ADAMTS17: variants seen among roughly 807,000 people sequenced by gnomAD.
The protein encoded by ADAMTS17 is A disintegrin and metalloproteinase with thrombospondin motifs 17.
ADAMTS17 carries 113 observed loss-of-function variants against 141.5 expected under a neutral mutation model. The ratio of observed to expected loss-of-function variants is 0.80; its 90% confidence interval spans 0.69 to 0.93. The LOEUF (loss-of-function observed/expected upper bound fraction) is 0.93. ADAMTS17 is among the 40% of genes least tolerant of loss of function. The pLI, the probability that ADAMTS17 is intolerant of heterozygous loss-of-function variation, is 0.00. For missense variants in ADAMTS17, 1,659 were observed against 1,517.9 expected, an observed-to-expected ratio of 1.09 and a Z score of -1.54; for synonymous variants, 768 against 630.6, an observed-to-expected ratio of 1.22 and a Z score of -3.27.
intron 13 of ADAMTS17, among the ~76,000 whole-genome samples, chr15:100,112,983 G>A (rs2036884623): frequency 6.6e-6 from 1 of 152,136 alleles, no homozygotes; most frequent in South Asian, 2.1e-4. Flanking sequence ...TTAGTATGGT[G>A]GGGACATTGC....
intron 15 of ADAMTS17, among the ~76,000 whole-genome samples, chr15:100,088,991 G>T (rs1462375531): frequency 6.6e-6 from 1 of 151,336 alleles, no homozygotes; most frequent in Non-Finnish European, 1.5e-5. Flanking sequence ...TGACAAATGG[G>T]ATCTAATTCA....
At chr15:100,147,082 C>T (rs1332449348) in intron 10 of ADAMTS17, among the ~76,000 whole-genome samples, 1 of 152,064 alleles carries the variant, frequency 6.6e-6, no homozygotes, top group Non-Finnish European at 1.5e-5. Flanking sequence ...ATGTCTGTGA[C>T]CCACACCTAT....
At chr15:100,251,552 C>T (rs1335714839) in intron 7 of ADAMTS17, among the ~76,000 whole-genome samples, 1 of 152,204 alleles carries the variant, frequency 6.6e-6, no homozygotes, top group Non-Finnish European at 1.5e-5. Context: ...GGTGAAAACC[C>T]ATCTCTACTA....
chr15:100,106,103 C>A (rs765372564), intron 14 of ADAMTS17, among the ~76,000 whole-genome samples: 1 of 151,998 alleles, frequency 6.6e-6, no homozygotes, highest in Non-Finnish European at 1.5e-5. Flanking sequence ...CTCAAGTGAT[C>A]CTCCCACCTC....
At chr15:100,193,194 G>A (rs1480130128) in intron 8 of ADAMTS17, among the ~76,000 whole-genome samples, 5 of 152,232 alleles carry the variant, frequency 3.3e-5, no homozygotes, top group East Asian at 1.9e-4. Flanking sequence ...GCTTCTGCCC[G>A]GCCCATTATT....
At chr15:100,266,441 G>A (rs4965617) in intron 4 of ADAMTS17, among the ~76,000 whole-genome samples, 91,263 of 152,012 alleles carry the variant, frequency 0.6, 27,935 homozygotes, top group East Asian at 0.89. Context: ...GCCAGGAGCC[G>A]AACTCCATTC....
chr15:100,101,865 G>C (rs1279168676), intron 14 of ADAMTS17, among the ~76,000 whole-genome samples: 1 of 152,196 alleles, frequency 6.6e-6, no homozygotes. Context: ...CGGTTGGAGG[G>C]AGGCCACCGA....
intron 13 of ADAMTS17, among the ~76,000 whole-genome samples, chr15:100,113,851 G>T (rs757552188): frequency 6.6e-6 from 1 of 152,214 alleles, no homozygotes; most frequent in Non-Finnish European, 1.5e-5. Flanking sequence ...GGCAGGAGGC[G>T]CTGGGAACGC....
chr15:99,976,228 G>C lies in ADAMTS17; in HGVS notation c.2950-6C>G. On this transcript the variant is annotated splice_region_variant and splice_polypyrimidine_tract_variant and intron_variant, in intron 20 of 21. Coordinates refer to ENST00000268070, the MANE Select transcript of ADAMTS17 (RefSeq NM_139057.4). ...TTCCCGCAGGTCGACGAGCACTGCAGAGACAGGACAGCCTGAGTGGGGCTG... is the reference window on the plus strand; with the variant it reads ...TTCCCGCAGGTCGACGAGCACTGCACAGACAGGACAGCCTGAGTGGGGCTG... 3 of 1,544,134 alleles carry C rather than the reference G, an allele frequency of 1.9e-6. No individual in the cohort carries two copies. Among genetic ancestry groups the C allele is most frequent in the Non-Finnish European group, 2.6e-6 (3 of 1,146,892 alleles).
chr15:100,244,479 C>A (rs139504654), intron 7 of ADAMTS17, among the ~76,000 whole-genome samples: 1 of 151,558 alleles, frequency 6.6e-6, no homozygotes, highest in South Asian at 2.1e-4. Context: ...ATGGGAGGGA[C>A]CTGGTGGGAG....
intron 18 of ADAMTS17, among the ~76,000 whole-genome samples, chr15:100,036,326 G>A (rs1038675023): frequency 1.6e-4 from 24 of 152,344 alleles, no homozygotes; most frequent in African/African-American, 5.1e-4. Flanking sequence ...CCGGCACTGC[G>A]TAATGGGAAA....
intron 15 of ADAMTS17, among the ~76,000 whole-genome samples, chr15:100,073,893 A>G (rs2034175034): frequency 1.6e-5 from 2 of 126,330 alleles, no homozygotes; most frequent in South Asian, 3.2e-4. Context: ...GTGCACATGT[A>G]CCCTAAAACT....
rs764962715 is a variant in ADAMTS17 at position 100,161,783 on chromosome 15, A to G, written c.1182-6463T>C. ...AGGGGATAACAGGCTGCACTCATTT[A>G]CAGGTAGAAGAACAGGGTCAATTTC... On this transcript the variant is annotated intron_variant, in intron 8 of 21. Transcript: ENST00000268070. Among the ~76,000 whole-genome samples, 84 of 152,338 alleles carry G rather than the reference A, an allele frequency of 5.5e-4. No individual in the cohort carries two copies. In the Middle Eastern group the frequency reaches 0.017, roughly 31 times the overall value.
At chr15:100,251,301 A>G (rs2043146666) in intron 7 of ADAMTS17, among the ~76,000 whole-genome samples, 1 of 152,204 alleles carries the variant, frequency 6.6e-6, no homozygotes, top group South Asian at 2.1e-4. Context: ...AGGACATAAG[A>G]TGCTCCCTAG....
At chr15:99,999,788 C>T (rs1219730434) in intron 18 of ADAMTS17, among the ~76,000 whole-genome samples, 1 of 152,154 alleles carries the variant, frequency 6.6e-6, no homozygotes, top group African/African-American at 2.4e-5. Flanking sequence ...GACGACGGCA[C>T]TGGTCTGAAC....
At chr15:100,054,330 T>G (rs1457029212) in intron 15 of ADAMTS17, among the ~76,000 whole-genome samples, 1 of 152,052 alleles carries the variant, frequency 6.6e-6, no homozygotes, top group East Asian at 1.9e-4. Context: ...CAAAACCAAC[T>G]CAGATAGCTG....
chr15:100,281,940 GAAAATCATA>G (rs1249629130), intron 3 of ADAMTS17, among the ~76,000 whole-genome samples: 3 of 152,096 alleles, frequency 2.0e-5, no homozygotes, highest in Admixed American at 6.5e-5. Context: ...TAATCAGAAG[GAAAATCATA>G]CGACCCACAT....
At chr15:100,086,325 A>C (rs2035098794) in intron 15 of ADAMTS17, among the ~76,000 whole-genome samples, 1 of 150,982 alleles carries the variant, frequency 6.6e-6, no homozygotes, top group Admixed American at 6.5e-5. Context: ...CACCCAATAC[A>C]GGAGCACCCA....
chr15:100,061,393 C>T (rs551608764), intron 15 of ADAMTS17, among the ~76,000 whole-genome samples: 10 of 152,300 alleles, frequency 6.6e-5, no homozygotes, highest in African/African-American at 1.9e-4. Flanking sequence ...AAGGCACAGC[C>T]GAGCTCCGTG....
Sources: gnomAD v4.1 joint callset for allele counts (sites outside exome capture counted in the v4.1 genomes callset) on GRCh38, gnomAD v4.1.1 for gene constraint, MANE v1.5 for transcripts, NCBI Gene and HGNC (gene_info 2026-07-23, HGNC 2026-07-21) for gene names.